Variants in SNRNP27 observed in about 807,000 individuals in gnomAD.
The protein encoded by SNRNP27 is U4/U6.U5 small nuclear ribonucleoprotein 27 kDa protein.
Under a neutral mutation model 25.1 loss-of-function variants are expected in SNRNP27, and 22 were observed. That is an observed-to-expected ratio of 0.88 (90% CI 0.63 to 1.25). The LOEUF (loss-of-function observed/expected upper bound fraction) is 1.25, where lower values mean the gene tolerates loss of function less well. Ranked by LOEUF, SNRNP27 falls within the 50% of genes most tolerant of loss-of-function variation. SNRNP27 has a pLI of 0.00. For synonymous variants in SNRNP27, 66 were observed against 64.9 expected (o/e 1.02, Z -0.08); for missense variants, 150 against 202.3 (o/e 0.74, Z 1.57).
chr2:69,903,081 G>A, intron 4 of SNRNP27, 100 bp from the exon 5 acceptor site: 2 of 924,786 alleles, frequency 2.2e-6, no homozygotes, highest in Non-Finnish European at 1.8e-6. Context: ...AAGTAGCTGG[G>A]AGTACAGGTA....
chr2:69,903,084 T>G (rs1573391886), intron 4 of SNRNP27, 97 bp from the exon 5 acceptor site: 1 of 951,172 alleles, frequency 1.1e-6, no homozygotes, highest in Non-Finnish European at 1.7e-6. Context: ...TAGCTGGGAG[T>G]ACAGGTACAT....
Position 69,903,225 on chromosome 2 carries a change from C to G in SNRNP27, c.393C>G (p.Val131=). 6.2e-7 allele frequency: 1 copy of G among 1,612,736 alleles called. No individual in the cohort carries two copies. The highest frequency in any genetic ancestry group is 8.5e-7 in the Non-Finnish European group (1 of 1,178,782). The part of the protein sequence containing the change: ...DGSVNAYAIN[V]SQKRKYRQYM... ...CTGTAAATGCCTATGCCATAAATGT[C>G]TCTCAGAAGAGGAAGTACAGGTATG... Residue 131 remains valine (V), a synonymous_variant, in exon 5 of 6, where the codon GTC becomes GTG. Transcript: ENST00000244227.
chr2:69,894,684 AT>A (rs1264449938), intron 1 of SNRNP27, among the ~76,000 whole-genome samples: 1 of 151,258 alleles, frequency 6.6e-6, no homozygotes, highest in Non-Finnish European at 1.5e-5. Flanking sequence ...AAATCAATTT[AT>A]TTATTTTTAA....
chr2:69,903,881 G>A (rs1676750918), intron 5 of SNRNP27, among the ~76,000 whole-genome samples: 1 of 152,124 alleles, frequency 6.6e-6, no homozygotes, highest in African/African-American at 2.4e-5. Flanking sequence ...AATCATTACA[G>A]TGTGCAATTG....
At chr2:69,895,745 A>G (rs189734116) in intron 2 of SNRNP27, among the ~76,000 whole-genome samples, 2 of 152,248 alleles carry the variant, frequency 1.3e-5, no homozygotes, top group East Asian at 3.9e-4. Context: ...TATTTTTAGT[A>G]GAGACGGGGT....
intron 4 of SNRNP27, among the ~76,000 whole-genome samples, chr2:69,902,876 C>G (rs1291742701): frequency 6.6e-6 from 1 of 151,490 alleles, no homozygotes; most frequent in East Asian, 1.9e-4. Context: ...CCCTCGGCCC[C>G]CGCTTCTCCC....
intron 3 of SNRNP27, 55 bp downstream of exon 3, chr2:69,896,603 A>G (rs1293970006): frequency 6.8e-7 from 1 of 1,464,862 alleles, no homozygotes; most frequent in Non-Finnish European, 9.2e-7. Context: ...TAAAATTATA[A>G]AAGTTTAATC....
intron 5 of SNRNP27, chr2:69,903,527 C>A (rs752431038): frequency 1.1e-4 from 35 of 332,212 alleles, no homozygotes; most frequent in Admixed American, 3.8e-4. Context: ...GCTTTGATTT[C>A]ATTATAATTT....
Position 69,903,111 on chromosome 2 carries a change from C to T in SNRNP27, c.349-70C>T, listed in dbSNP as rs540085054. 18 of 1,257,678 alleles carry T rather than the reference C, an allele frequency of 1.4e-5. No individual in the cohort carries two copies. In the Admixed American group the frequency reaches 2.2e-4, roughly 15 times the overall value. 77.9% of individuals were successfully genotyped at this position (1,257,678 alleles called of 1,614,324 possible). A position where few individuals can be genotyped will look rare whatever the true frequency, so the allele number is the denominator to read the frequency against. On this transcript the variant is annotated intron_variant, in intron 4 of 5. Transcript: ENST00000244227. Reference sequence around the variant, plus strand: ...CAGGTACATGCCACTGCCACCACACCTGCTTTCATGTATCCTGATTTAATG... The same window carrying T: ...CAGGTACATGCCACTGCCACCACACTTGCTTTCATGTATCCTGATTTAATG...
rs1287586277 is a variant in SNRNP27, at chr2:69,904,722, T to C, written c.*414T>C. The C allele has an allele frequency of 4.7e-6, 1 of 214,630 alleles. No homozygotes were observed. The highest frequency in any genetic ancestry group is 2.3e-5 in the African/African-American group (1 of 43,626). 13.3% of individuals were successfully genotyped at this position (214,630 alleles called of 1,614,324 possible). A position where few individuals can be genotyped will look rare whatever the true frequency, so the allele number is the denominator to read the frequency against. On this transcript the variant is annotated 3_prime_UTR_variant, in exon 6 of 6. Transcript: ENST00000244227. Reference sequence around the variant, plus strand: ...AAGAATCTCCCCAGACATTTTCTTTTTTTTTTCACACATAGATTTAAGTAT... The same window carrying C: ...AAGAATCTCCCCAGACATTTTCTTTCTTTTTTCACACATAGATTTAAGTAT...
Position 69,895,085 on chromosome 2 carries a change from T to C in SNRNP27, c.35-9T>C. 1 of 1,612,066 alleles carries C rather than the reference T, an allele frequency of 6.2e-7. No homozygotes were observed. The highest frequency in any genetic ancestry group is 8.5e-7 in the Non-Finnish European group (1 of 1,179,648). On this transcript the variant is annotated splice_polypyrimidine_tract_variant and intron_variant, in intron 1 of 5. Coordinates refer to ENST00000244227, the MANE Select transcript of SNRNP27 (RefSeq NM_006857.3). ...TATCAGTTCTGCAATTTGTGTGCGTTTGCATTAGAACGTAGGCGTTCCCGG... is the reference window on the plus strand; with the variant it reads ...TATCAGTTCTGCAATTTGTGTGCGTCTGCATTAGAACGTAGGCGTTCCCGG...
intron 4 of SNRNP27, among the ~76,000 whole-genome samples, chr2:69,900,417 T>A (rs186196328): frequency 6.6e-6 from 1 of 152,328 alleles, no homozygotes; most frequent in African/African-American, 2.4e-5. Flanking sequence ...TAAGTCATGC[T>A]TACTTCCTAT....
At chr2:69,902,833 C>T (rs968937583) in intron 4 of SNRNP27, among the ~76,000 whole-genome samples, 2 of 151,604 alleles carry the variant, frequency 1.3e-5, no homozygotes, top group South Asian at 2.1e-4. Flanking sequence ...CTGCCGCTGC[C>T]GCTTCTTCTG....
At chr2:69,897,643 C>A in intron 4 of SNRNP27, 187 bp downstream of exon 4, 11 of 542,280 alleles carry the variant, frequency 2.0e-5, no homozygotes, top group South Asian at 4.8e-5. Context: ...TTGCCAGGGA[C>A]GATGTTTGAA....
intron 4 of SNRNP27, among the ~76,000 whole-genome samples, chr2:69,899,275 A>T (rs989748486): frequency 7.2e-5 from 11 of 152,190 alleles, no homozygotes; most frequent in African/African-American, 2.7e-4. Context: ...CATGGCTATC[A>T]GTTATAACGT....
At chr2:69,902,156 G>C (rs1390049945) in intron 4 of SNRNP27, among the ~76,000 whole-genome samples, 1 of 152,100 alleles carries the variant, frequency 6.6e-6, no homozygotes, top group Non-Finnish European at 1.5e-5. Flanking sequence ...GAGCTCATAG[G>C]ATCTGGAAAT....
rs748983050 is a variant in SNRNP27, at chr2:69,904,344, C to T, written c.*36C>T. The T allele has an allele frequency of 5.2e-6, 8 of 1,526,114 alleles. No homozygotes were observed. Among genetic ancestry groups the T allele is most frequent in the Non-Finnish European group, 7.3e-6 (8 of 1,102,564 alleles). 94.5% of individuals were successfully genotyped at this position (1,526,114 alleles called of 1,614,324 possible). A position where few individuals can be genotyped will look rare whatever the true frequency, so the allele number is the denominator to read the frequency against. Reference sequence around the variant, plus strand: ...GTTGAAGGATGATTTTTTTTCCCCTCATCTTGGTCAGAGAGTGGATTTTGT... The same window carrying T: ...GTTGAAGGATGATTTTTTTTCCCCTTATCTTGGTCAGAGAGTGGATTTTGT... On this transcript the variant is annotated 3_prime_UTR_variant, in exon 6 of 6. Transcript: ENST00000244227.
At chr2:69,896,809 G>A (rs1279827042) in intron 3 of SNRNP27, among the ~76,000 whole-genome samples, 7 of 151,008 alleles carry the variant, frequency 4.6e-5, no homozygotes, top group African/African-American at 1.5e-4. Flanking sequence ...GAGTAGTTGG[G>A]ATTACAGGCA....
chr2:69,894,148 T>A, intron 1 of SNRNP27, 130 bp downstream of exon 1: 1 of 795,134 alleles, frequency 1.3e-6, no homozygotes, highest in Admixed American at 2.6e-5. Flanking sequence ...GAGCGAGGGG[T>A]GGATAAAGGA....
Sources: allele counts gnomAD v4.1 joint callset (sites outside exome capture counted in the v4.1 genomes callset), GRCh38; gene constraint gnomAD v4.1.1; transcripts MANE v1.5; gene names NCBI Gene and HGNC (gene_info 2026-07-23, HGNC 2026-07-21).